MAST2: variants seen among roughly 807,000 people sequenced by gnomAD.
MAST2 encodes the protein microtubule associated serine/threonine kinase 2.
A neutral mutation model predicts 147.4 loss-of-function variants in MAST2; 70 were observed. The ratio of observed to expected loss-of-function variants is 0.47; its 90% CI spans 0.39 to 0.58. The LOEUF (loss-of-function observed/expected upper bound fraction) is 0.58. MAST2 is among the 20% of genes least tolerant of loss of function. MAST2 has a pLI of 0.00. For missense variants in MAST2, 2,080 were observed against 2,302.3 expected (o/e 0.90, Z 1.98); for synonymous variants, 869 against 896.8 (o/e 0.97, Z 0.55).
intron 4 of MAST2, among the ~76,000 whole-genome samples, chr1:45,902,677 T>G (rs555613859): frequency 6.6e-6 from 1 of 152,270 alleles, no homozygotes; most frequent in South Asian, 2.1e-4. Context: ...ATTGGTCTGT[T>G]CAGGATTTCC....
intron 4 of MAST2, among the ~76,000 whole-genome samples, chr1:45,888,231 C>G (rs768272496): frequency 1.3e-5 from 2 of 152,184 alleles, no homozygotes; most frequent in African/African-American, 4.8e-5. Flanking sequence ...CTCTTATACT[C>G]TAGCTTATTA....
intron 3 of MAST2, among the ~76,000 whole-genome samples, chr1:45,842,455 C>G (rs543085503): frequency 6.6e-6 from 1 of 152,290 alleles, no homozygotes; most frequent in East Asian, 1.9e-4. Flanking sequence ...AACCTCTTAT[C>G]CATTAAGCCC....
Position 46,030,685 on chromosome 1 carries a change from GAGA to G in MAST2, c.2635_2637del (p.Lys879del). On this transcript the variant is annotated inframe_deletion, in exon 22 of 29. Transcript: ENST00000361297. ...CCCGACCAAGCGCAGCCTGAGTGAGGAGAAGGAGGACCATTCAGATGGCCTGGC... is the reference window on the plus strand; with the variant it reads ...CCCGACCAAGCGCAGCCTGAGTGAGGAGGAGGACCATTCAGATGGCCTGGC... 6.2e-7 allele frequency: 1 copy of G among 1,609,608 alleles called. No homozygotes were observed. Among genetic ancestry groups the G allele is most frequent in the South Asian group, 1.1e-5 (1 of 90,150 alleles).
chr1:45,913,535 T>C, intron 4 of MAST2: 1 of 961,326 alleles, frequency 1.0e-6, no homozygotes. Flanking sequence ...TCTGTAGCTC[T>C]GATTTGTTGC....
chr1:45,835,418 T>A (rs1289900017), intron 3 of MAST2, among the ~76,000 whole-genome samples: 2 of 152,142 alleles, frequency 1.3e-5, no homozygotes, highest in Non-Finnish European at 2.9e-5. Context: ...AAGTCATGAT[T>A]ACCAATAACC....
intron 4 of MAST2, among the ~76,000 whole-genome samples, chr1:45,907,463 CTTT>C (rs59039717): frequency 1.4e-5 from 2 of 140,884 alleles, no homozygotes; most frequent in Non-Finnish European, 1.5e-5. Flanking sequence ...GCCATTTTAA[CTTT>C]TTTTTTTTTT....
At chr1:45,940,776 C>T (rs963965173) in intron 4 of MAST2, among the ~76,000 whole-genome samples, 2 of 152,212 alleles carry the variant, frequency 1.3e-5, no homozygotes, top group East Asian at 1.9e-4. Flanking sequence ...CCTGTCACCA[C>T]GCCCTGCTAA....
At chr1:45,902,307 CCAT>C (rs1649918946) in intron 4 of MAST2, among the ~76,000 whole-genome samples, 1 of 152,144 alleles carries the variant, frequency 6.6e-6, no homozygotes, top group Non-Finnish European at 1.5e-5. Context: ...GTACGCTGAA[CCAT>C]CCTTGTGTCC....
At chr1:45,880,483 T>C (rs1362053921) in intron 3 of MAST2, among the ~76,000 whole-genome samples, 1 of 152,120 alleles carries the variant, frequency 6.6e-6, no homozygotes, top group Non-Finnish European at 1.5e-5. Context: ...TTGATAGAGA[T>C]TTAGGTTATC....
In MAST2 at chr1:46,031,116, C is replaced by A; in HGVS notation, c.2818C>A (p.Pro940Thr). 1 of 1,612,210 alleles carries A rather than the reference C, an allele frequency of 6.2e-7. No individual in the cohort carries two copies. The highest frequency in any genetic ancestry group is 1.1e-5 in the South Asian group (1 of 90,886). The change falls in exon 23 of 29, where the codon CCG becomes ACG. Residue 940 changes from proline to threonine, a missense_variant. This residue lies in a region of MAST2 where 1,278 missense variants were observed against 1,304.2 expected (regional missense o/e 0.98). Transcript: ENST00000361297. This position sits in a 1 kb window ranked among gnomAD's most constrained non-coding sequence, Gnocchi z 4.1. ...CSGLLDAPRF[P>T]EGPEEASSTL... ...AGGCCTCCTGGATGCGCCTCGGTTC[C>A]CGGAGGGCCCTGAGGAGGCCAGCAG... is the stretch of plus-strand genomic sequence containing the variant.
In MAST2 at chr1:46,030,388, C is replaced by G. The variant is rs574065455; in HGVS notation, c.2553+150C>G. ...AGCTAAGGGTTGGGGCTACATATAG[C>G]TATATATAGGTGCTTCTAGAACCAC... On this transcript the variant is annotated intron_variant, in intron 21 of 28. Coordinates refer to ENST00000361297, the MANE Select transcript of MAST2 (RefSeq NM_015112.3). 49 of 856,840 alleles carry G rather than the reference C, an allele frequency of 5.7e-5. No individual in the cohort carries two copies. In the Middle Eastern group the frequency reaches 2.5e-3, roughly 43 times the overall value. 53.1% of individuals were successfully genotyped at this position (856,840 alleles called of 1,614,324 possible).
At position 45,996,303 on chromosome 1, in the gene MAST2, A is replaced by G. The variant is rs75529641; in HGVS notation, c.593-1421A>G. Among the ~76,000 whole-genome samples the G allele has an allele frequency of 2.9e-3, 444 of 152,196 alleles. 3 individuals are homozygous for G. Among genetic ancestry groups the G allele is most frequent in the East Asian group, 0.02 (104 of 5,170 alleles). ...AAAGGGCATCTGACTTTGCATGTCA[A>G]GAATCAAACTGTGGGTATTTGTTAA... On this transcript the variant is annotated intron_variant, in intron 5 of 28. Transcript: ENST00000361297.
chr1:45,841,436 T>G (rs146166867), intron 3 of MAST2, among the ~76,000 whole-genome samples: 100 of 152,012 alleles, frequency 6.6e-4, no homozygotes, highest in African/African-American at 2.3e-3. Flanking sequence ...TAAAGAAATA[T>G]ATACATATAT....
intron 3 of MAST2, among the ~76,000 whole-genome samples, chr1:45,873,550 T>A (rs1367482766): frequency 6.6e-6 from 1 of 152,182 alleles, no homozygotes; most frequent in Admixed American, 6.5e-5. Flanking sequence ...AAGTTTATTT[T>A]AAAAATTCAA....
In MAST2 at chr1:46,022,929, C is replaced by T. The variant is rs1340131405; in HGVS notation, c.1443C>T (p.Ser481=). The T allele has an allele frequency of 1.2e-6, 2 of 1,614,060 alleles. No individual in the cohort carries two copies. The highest frequency in any genetic ancestry group is 1.3e-5 in the African/African-American group (1 of 74,916). The part of the protein sequence containing the change: ...DPLEEMAQLS[S]CDSPDTPETD... ...TTCCAGAAATGGCCCAGTTGAGCAGCTGTGACAGTCCTGACACTCCAGAGA... is the reference window on the plus strand; with the variant it reads ...TTCCAGAAATGGCCCAGTTGAGCAGTTGTGACAGTCCTGACACTCCAGAGA... The change falls in exon 13 of 29, where the codon AGC becomes AGT. Residue 481 remains serine (S), a synonymous_variant. Transcript: ENST00000361297.
intron 3 of MAST2, among the ~76,000 whole-genome samples, chr1:45,863,809 C>G (rs1282779968): frequency 1.3e-5 from 2 of 152,112 alleles, no homozygotes; most frequent in Non-Finnish European, 2.9e-5. Context: ...ATTCGTGTCT[C>G]CTGAATTTTG....
At position 45,912,837 on chromosome 1, in the gene MAST2, AC is replaced by A. The variant is rs575923505; in HGVS notation, c.500+30443del. 3.9e-5 allele frequency among the ~76,000 whole-genome samples: 6 copies of A among 152,336 alleles called. No individual in the cohort carries two copies. In the South Asian group the frequency reaches 1.0e-3, roughly 26 times the overall value. ...AGATTGCTCCAAGAGGGCAAGACTT[AC>A]AGTAATAGCTAACACTTTTATAGTG... On this transcript the variant is annotated intron_variant, in intron 4 of 28. Transcript: ENST00000361297.
In MAST2 at chr1:46,035,519, G is replaced by C. The variant is rs1187601056; in HGVS notation, c.4850G>C (p.Trp1617Ser). ...GACCCCATCCCTCCTGAAGGTTGCT[G>C]GAAGGCCCAGCACCTCCACACCCAG... ...ATDPIPPEGC[W>S]KAQHLHTQAL... The change falls in exon 29 of 29, where the codon TGG (tryptophan) becomes TCG (serine). Residue 1617 changes from tryptophan (W) to serine (S), a missense_variant. Around this residue, in one of 4 missense-constraint regions of MAST2, gnomAD observed 1,278 missense variants for 1,304.2 expected, o/e 0.98. Coordinates refer to ENST00000361297, the MANE Select transcript of MAST2 (RefSeq NM_015112.3). This position sits in a 1 kb window ranked among gnomAD's most constrained non-coding sequence, Gnocchi z 5.5. 1 of 1,613,342 alleles carries C rather than the reference G, an allele frequency of 6.2e-7. No individual in the cohort carries two copies. Among genetic ancestry groups the C allele is most frequent in the East Asian group, 2.2e-5 (1 of 44,870 alleles).
chr1:46,025,863 T>G (rs1485039989), intron 16 of MAST2, 48 bp downstream of exon 16: 3 of 1,611,790 alleles, frequency 1.9e-6, no homozygotes, highest in African/African-American at 2.7e-5. Context: ...CTCTTGGGTC[T>G]CCAGATAAAA....
Sources: allele counts gnomAD v4.1 joint callset (sites outside exome capture counted in the v4.1 genomes callset), GRCh38; gene constraint gnomAD v4.1.1; regional missense constraint gnomAD v4.1.1; non-coding constraint Gnocchi (gnomAD v3.1); transcripts MANE v1.5; gene names NCBI Gene and HGNC (gene_info 2026-07-23, HGNC 2026-07-21).